RERE: variants seen among roughly 807,000 people sequenced by gnomAD.
The protein encoded by RERE is arginine-glutamic acid dipeptide repeats.
RERE carries 40 observed loss-of-function variants against 146.1 expected under a neutral mutation model. That is an observed-to-expected ratio of 0.27 (90% CI 0.21 to 0.36). The LOEUF (loss-of-function observed/expected upper bound fraction) is 0.36, where lower values mean the gene tolerates loss of function less well. RERE is among the 10% of genes least tolerant of loss of function. The pLI, the probability that RERE is intolerant of heterozygous loss-of-function variation, is 1.00. For synonymous variants in RERE, 1,003 were observed against 866.0 expected (o/e 1.16, Z -2.78); for missense variants, 1,933 against 2,138.7 (o/e 0.90, Z 1.90).
At chr1:8,804,210 T>C (rs1321722689) in intron 1 of RERE, among the ~76,000 whole-genome samples, 1 of 152,186 alleles carries the variant, frequency 6.6e-6, no homozygotes, top group African/African-American at 2.4e-5. Flanking sequence ...TATGTACACA[T>C]GGCAGATTAT....
At chr1:8,603,636 T>C (rs1646660884) in intron 4 of RERE, among the ~76,000 whole-genome samples, 1 of 152,104 alleles carries the variant, frequency 6.6e-6, no homozygotes, top group Non-Finnish European at 1.5e-5. Flanking sequence ...ACCTAATTTG[T>C]GTATTGGGGA....
At chr1:8,645,834 A>G (rs1199448446) in intron 2 of RERE, among the ~76,000 whole-genome samples, 1 of 152,262 alleles carries the variant, frequency 6.6e-6, no homozygotes, top group Non-Finnish European at 1.5e-5. Flanking sequence ...TTTATGTGCT[A>G]AAGAATTGTC....
intron 1 of RERE, among the ~76,000 whole-genome samples, chr1:8,734,632 A>G (rs1466822223): frequency 1.3e-5 from 2 of 152,236 alleles, no homozygotes; most frequent in East Asian, 3.8e-4. Context: ...TTATACTACC[A>G]ATATAGTTAC....
In RERE at chr1:8,366,421, C is replaced by A. The variant is rs143441155; in HGVS notation, c.1285-447G>T. On this transcript the variant is annotated intron_variant, in intron 12 of 22. Coordinates refer to ENST00000400908, the MANE Select transcript of RERE (RefSeq NM_001042681.2). ...TTACAGTAATGCCAGTGAAATCACA[C>A]AGGTGTGAGAAGGAAATGCCCGGCC... is the stretch of plus-strand genomic sequence containing the variant. Among the ~76,000 whole-genome samples the A allele has an allele frequency of 3.9e-5, 6 of 152,326 alleles. No individual in the cohort carries two copies. The East Asian group carries it at 1.2e-3, about 29-fold the overall frequency.
intron 1 of RERE, among the ~76,000 whole-genome samples, chr1:8,813,252 G>A (rs552620763): frequency 6.6e-6 from 1 of 152,280 alleles, no homozygotes; most frequent in Non-Finnish European, 1.5e-5. Flanking sequence ...TCACAGCTAG[G>A]TTACACTAAT....
intron 1 of RERE, among the ~76,000 whole-genome samples, chr1:8,664,392 T>A (rs920798136): frequency 1.3e-5 from 2 of 152,116 alleles, no homozygotes; most frequent in Non-Finnish European, 2.9e-5. Context: ...CAATCTCATA[T>A]ATAATGCGTT....
At chr1:8,564,870 G>GTGTGTGTGTGTGTGTGTGTA (rs1269710840) in intron 4 of RERE, among the ~76,000 whole-genome samples, 9 of 127,400 alleles carry the variant, frequency 7.1e-5, no homozygotes, top group Non-Finnish European at 1.5e-4. Flanking sequence ...GTGTGTGTGT[G>GTGTGTGTGTGTGTGTGTGTA]TATATATATA....
chr1:8,599,655 A>G (rs4480384), intron 4 of RERE, among the ~76,000 whole-genome samples: 95,819 of 152,006 alleles, frequency 0.63, 30,639 homozygotes, highest in East Asian at 0.83. Flanking sequence ...CTGTGCCACC[A>G]ACAAATCACC....
At chr1:8,636,829 G>C (rs1323127495) in intron 2 of RERE, among the ~76,000 whole-genome samples, 1 of 152,042 alleles carries the variant, frequency 6.6e-6, no homozygotes, top group African/African-American at 2.4e-5. Flanking sequence ...ATAGAGCATG[G>C]GAGAACAAAG....
intron 11 of RERE, among the ~76,000 whole-genome samples, chr1:8,431,836 C>G (rs1644099724): frequency 1.3e-5 from 2 of 152,198 alleles, no homozygotes; most frequent in Admixed American, 1.3e-4. Context: ...CCTCTCTTAG[C>G]TCCCTGTGGC....
intron 11 of RERE, among the ~76,000 whole-genome samples, chr1:8,441,386 C>T (rs1422644531): frequency 6.6e-6 from 1 of 152,222 alleles, no homozygotes; most frequent in Non-Finnish European, 1.5e-5. Flanking sequence ...CTGCCCCCCT[C>T]TCACTTCACA....
intron 1 of RERE, among the ~76,000 whole-genome samples, chr1:8,809,522 A>T (rs1641753898): frequency 6.6e-6 from 1 of 152,208 alleles, no homozygotes; most frequent in African/African-American, 2.4e-5. Flanking sequence ...TGTGAAACGA[A>T]AGTCAGCCTA....
chr1:8,546,477 T>C (rs1645864282), intron 6 of RERE, among the ~76,000 whole-genome samples: 1 of 152,074 alleles, frequency 6.6e-6, no homozygotes, highest in Non-Finnish European at 1.5e-5. Context: ...TGTGATCTAA[T>C]ATATGACCAA....
intron 1 of RERE, chr1:8,786,283 A>G (rs763669731): frequency 1.0e-6 from 1 of 959,334 alleles, no homozygotes; most frequent in Non-Finnish European, 1.6e-6. Flanking sequence ...GTTTTTCTTC[A>G]TTCTATCTTG....
chr1:8,392,369 T>C (rs753798861), intron 12 of RERE, among the ~76,000 whole-genome samples: 2 of 152,264 alleles, frequency 1.3e-5, no homozygotes, highest in Non-Finnish European at 2.9e-5. Flanking sequence ...AATCCTTTTA[T>C]GCTTATATTT....
intron 1 of RERE, among the ~76,000 whole-genome samples, chr1:8,665,585 G>A (rs1047062977): frequency 1.3e-5 from 2 of 152,186 alleles, no homozygotes; most frequent in Non-Finnish European, 2.9e-5. Context: ...AAGAGAAGGC[G>A]AAAGACAGTC....
At chr1:8,569,087 T>C (rs1186823475) in intron 4 of RERE, among the ~76,000 whole-genome samples, 1 of 152,208 alleles carries the variant, frequency 6.6e-6, no homozygotes, top group Non-Finnish European at 1.5e-5. Flanking sequence ...CCAGCAGCTC[T>C]GGTTTTATCA....
Position 8,356,010 on chromosome 1 carries a change from G to T in RERE, c.4486+90C>A. The T allele has an allele frequency of 1.5e-6, 2 of 1,350,540 alleles. No individual in the cohort carries two copies. The highest frequency in any genetic ancestry group is 1.7e-5 in the South Asian group (1 of 60,264). The allele number at this position is 1,350,540 out of a possible 1,614,324, so 83.7% of individuals were successfully genotyped here. On this transcript the variant is annotated intron_variant, in intron 21 of 22. Coordinates refer to ENST00000400908, the MANE Select transcript of RERE (RefSeq NM_001042681.2). The surrounding 1 kb of genome is among the most constrained non-coding windows in gnomAD (Gnocchi z 5.2). ...GAACCCACCTGCTCAATGCATGAAT[G>T]AATGAATGAGTAATGAATGAAGACA...
intron 4 of RERE, among the ~76,000 whole-genome samples, chr1:8,611,212 A>G (rs1162560665): frequency 4.6e-5 from 7 of 151,358 alleles, no homozygotes; most frequent in Non-Finnish European, 1.0e-4. Flanking sequence ...AACAACAACA[A>G]AACATACACA....
Sources: allele counts gnomAD v4.1 joint callset (sites outside exome capture counted in the v4.1 genomes callset), GRCh38; gene constraint gnomAD v4.1.1; non-coding constraint Gnocchi (gnomAD v3.1); transcripts MANE v1.5; gene names NCBI Gene and HGNC (gene_info 2026-07-23, HGNC 2026-07-21).